JAZF1: variants seen among roughly 807,000 people sequenced by gnomAD.
The protein encoded by JAZF1 is JAZF zinc finger 1, also known as juxtaposed with another zinc finger protein 1.
In JAZF1, 8 loss-of-function variants were observed where a neutral mutation model predicts 26.4. The ratio of observed to expected loss-of-function variants is 0.30; its 90% confidence interval spans 0.18 to 0.55. JAZF1 has a LOEUF of 0.55. Ranked by LOEUF, JAZF1 falls within the 20% of genes least tolerant of loss-of-function variation. The pLI, the probability that JAZF1 is intolerant of heterozygous loss-of-function variation, is 0.94. For synonymous variants in JAZF1, 126 were observed against 122.3 expected (o/e 1.03, Z -0.20); for missense variants, 199 against 322.0 (o/e 0.62, Z 2.92).
intron 3 of JAZF1, among the ~76,000 whole-genome samples, chr7:27,876,984 G>A (rs1583443251): frequency 6.6e-6 from 1 of 152,186 alleles, no homozygotes; most frequent in Admixed American, 6.5e-5. Flanking sequence ...CTAGACAAGA[G>A]GGTTACTCTT....
At chr7:28,004,652 A>ATT (rs539854954) in intron 1 of JAZF1, among the ~76,000 whole-genome samples, 1 of 149,236 alleles carries the variant, frequency 6.7e-6, no homozygotes, top group African/African-American at 2.5e-5. Context: ...CAGTGAAATA[A>ATT]TTTTTTTTTT....
chr7:28,131,549 A>G (rs890632008), intron 1 of JAZF1, among the ~76,000 whole-genome samples: 1 of 152,196 alleles, frequency 6.6e-6, no homozygotes, highest in African/African-American at 2.4e-5. Flanking sequence ...GCATTTCACA[A>G]AATGAACAGA....
chr7:27,982,441 A>G lies in JAZF1; in HGVS notation c.188+9468T>C, dbSNP rs1464303868. On this transcript the variant is annotated intron_variant, in intron 2 of 4. Coordinates refer to ENST00000283928, the MANE Select transcript of JAZF1 (RefSeq NM_175061.4). ...ACTGCTGAGGCTTGAGTAGGTAAAC[A>G]AAATGGCTAGGAAGCTCGAACTCGG... 2.0e-5 allele frequency among the ~76,000 whole-genome samples: 3 copies of G among 152,166 alleles called. No homozygotes were observed. The East Asian group carries it at 5.8e-4, about 29-fold the overall frequency.
intron 2 of JAZF1, among the ~76,000 whole-genome samples, chr7:27,933,894 CTG>C (rs1784724169): frequency 6.6e-6 from 1 of 152,180 alleles, no homozygotes; most frequent in Admixed American, 6.5e-5. Context: ...ATGTCCCACA[CTG>C]TGAGTTGGCA....
At chr7:28,092,089 G>T (rs1375414573) in intron 1 of JAZF1, among the ~76,000 whole-genome samples, 2 of 151,676 alleles carry the variant, frequency 1.3e-5, no homozygotes, top group South Asian at 2.1e-4. Flanking sequence ...GTATATTTGG[G>T]TTATTACATA....
chr7:27,955,449 C>T (rs150535817), intron 2 of JAZF1, among the ~76,000 whole-genome samples: 1,760 of 152,282 alleles, frequency 0.012, 33 homozygotes, highest in African/African-American at 0.04. Flanking sequence ...AGCTTTCTAG[C>T]GTGTTTTCCT....
intron 1 of JAZF1, among the ~76,000 whole-genome samples, chr7:28,031,806 T>C (rs148987849): frequency 1.1e-3 from 163 of 152,248 alleles, no homozygotes; most frequent in African/African-American, 3.7e-3. Context: ...GATGGGTTGA[T>C]AGGTGCAGCA....
At chr7:28,118,791 CA>C (rs1554289669) in intron 1 of JAZF1, among the ~76,000 whole-genome samples, 8 of 142,696 alleles carry the variant, frequency 5.6e-5, no homozygotes, top group Admixed American at 1.4e-4. Context: ...CACACACACA[CA>C]ACACACACAC....
chr7:28,176,233 C>T (rs919382588), intron 1 of JAZF1, among the ~76,000 whole-genome samples: 3 of 152,186 alleles, frequency 2.0e-5, no homozygotes, highest in Non-Finnish European at 2.9e-5. Context: ...GGAAATGTTT[C>T]AATAGCAAAG....
intron 4 of JAZF1, among the ~76,000 whole-genome samples, chr7:27,835,040 C>T (rs1227123254): frequency 2.0e-5 from 3 of 152,190 alleles, no homozygotes. Flanking sequence ...TATTGAGCAC[C>T]TAGCAGGGTC....
At chr7:27,891,032 C>T (rs1028014874) in intron 3 of JAZF1, among the ~76,000 whole-genome samples, 9 of 152,110 alleles carry the variant, frequency 5.9e-5, no homozygotes, top group Non-Finnish European at 7.4e-5. Flanking sequence ...TCAAGTGATT[C>T]GCCTGCCTCT....
intron 3 of JAZF1, among the ~76,000 whole-genome samples, chr7:27,889,261 C>G (rs890167293): frequency 1.3e-5 from 2 of 150,904 alleles, no homozygotes; most frequent in African/African-American, 4.9e-5. Flanking sequence ...TCATCCTGAT[C>G]GAAAATCACT....
At chr7:27,952,193 CA>C (rs1785021315) in intron 2 of JAZF1, among the ~76,000 whole-genome samples, 1 of 152,142 alleles carries the variant, frequency 6.6e-6, no homozygotes, top group Non-Finnish European at 1.5e-5. Context: ...GGCAGGTTCA[CA>C]AATGGAAAAA....
chr7:28,167,666 C>A (rs1339325237), intron 1 of JAZF1, among the ~76,000 whole-genome samples: 1 of 152,180 alleles, frequency 6.6e-6, no homozygotes, highest in South Asian at 2.1e-4. Flanking sequence ...ACAATAAAAA[C>A]ACTCTGGAGA....
At chr7:27,870,075 A>ATTTTTTTTTTTTTTTTTTTTTT (rs371770357) in intron 3 of JAZF1, among the ~76,000 whole-genome samples, 1 of 120,664 alleles carries the variant, frequency 8.3e-6, no homozygotes, top group Non-Finnish European at 1.7e-5. Flanking sequence ...CACCCGGTTA[A>ATTTTTTTTTTTTTTTTTTTTTT]TTTTTTTTTT....
At chr7:28,020,391 G>A (rs530562260) in intron 1 of JAZF1, among the ~76,000 whole-genome samples, 69 of 152,120 alleles carry the variant, frequency 4.5e-4, no homozygotes, top group Non-Finnish European at 7.8e-4. Context: ...AAAATGAATC[G>A]GAAATGCAGC....
intron 3 of JAZF1, among the ~76,000 whole-genome samples, chr7:27,861,644 C>T (rs565116901): frequency 4.6e-5 from 7 of 151,784 alleles, no homozygotes; most frequent in Non-Finnish European, 7.4e-5. Context: ...ACTGTTTCTC[C>T]GGTGTGCCTT....
At position 28,090,797 on chromosome 7, in the gene JAZF1, C is replaced by T. The variant is rs1419618977; in HGVS notation, c.115+89666G>A. Among the ~76,000 whole-genome samples the T allele has an allele frequency of 2.6e-5, 4 of 151,328 alleles. No individual in the cohort carries two copies. In the East Asian group the frequency reaches 7.7e-4, roughly 29 times the overall value. Reference sequence around the variant, plus strand: ...TCAAGCTCTTATTTTTTTTTCTATTCCACAGACTTTTTTTTAGTTGTTTTT... The same window carrying T: ...TCAAGCTCTTATTTTTTTTTCTATTTCACAGACTTTTTTTTAGTTGTTTTT... On this transcript the variant is annotated intron_variant, in intron 1 of 4. Coordinates refer to ENST00000283928, the MANE Select transcript of JAZF1 (RefSeq NM_175061.4).
chr7:27,978,881 A>ATG (rs1475610247), intron 2 of JAZF1, among the ~76,000 whole-genome samples: 1 of 147,042 alleles, frequency 6.8e-6, no homozygotes, highest in African/African-American at 2.5e-5. Flanking sequence ...AGGGGTGTGT[A>ATG]TGTGTGTGTG....
Sources: gnomAD v4.1 joint callset for allele counts (sites outside exome capture counted in the v4.1 genomes callset) on GRCh38, gnomAD v4.1.1 for gene constraint, MANE v1.5 for transcripts, NCBI Gene and HGNC (gene_info 2026-07-23, HGNC 2026-07-21) for gene names.